MALRD1: variants seen among roughly 807,000 people sequenced by gnomAD.
MALRD1 encodes MAM and LDL-receptor class A domain-containing protein 1.
Under a neutral mutation model 242.1 loss-of-function variants are expected in MALRD1, and 247 were observed. The ratio of observed to expected loss-of-function variants is 1.02; its 90% CI spans 0.92 to 1.13. The LOEUF (loss-of-function observed/expected upper bound fraction) is 1.13. Ranked by LOEUF, MALRD1 falls within the 50% of genes most tolerant of loss-of-function variation. The probability of loss-of-function intolerance (pLI) is 0.00; values close to 1 mark genes in which losing one functional copy is unlikely to be tolerated. For synonymous variants in MALRD1, 995 were observed against 866.6 expected (o/e 1.15, Z -2.60); for missense variants, 2,989 against 2,533.1 (o/e 1.18, Z -3.86).
intron 36 of MALRD1, among the ~76,000 whole-genome samples, chr10:19,684,737 G>A (rs1274164299): frequency 6.6e-6 from 1 of 152,180 alleles, no homozygotes; most frequent in Non-Finnish European, 1.5e-5. Flanking sequence ...GGGTGACAGA[G>A]CAAGACTCTA....
chr10:19,211,877 G>C lies in MALRD1; in HGVS notation c.2991+2197G>C, dbSNP rs117823192. On this transcript the variant is annotated intron_variant, in intron 18 of 39. Transcript: ENST00000454679. ...TAGATGGAATTACCAGCAGATAGGAGGTACTCATTCTGTGTTTGCATAAAG... is the reference window on the plus strand; with the variant it reads ...TAGATGGAATTACCAGCAGATAGGACGTACTCATTCTGTGTTTGCATAAAG... Among the ~76,000 whole-genome samples the C allele has an allele frequency of 9.2e-5, 14 of 152,066 alleles. No homozygotes were observed. In the East Asian group the frequency reaches 2.7e-3, roughly 29 times the overall value.
chr10:19,050,389 CT>C (rs71387039), intron 1 of MALRD1, among the ~76,000 whole-genome samples: 14 of 148,916 alleles, frequency 9.4e-5, no homozygotes, highest in South Asian at 4.2e-4. Flanking sequence ...GCCCGGCCTT[CT>C]TTTTTTTTTA....
At chr10:19,544,290 C>G (rs1164679533) in intron 32 of MALRD1, among the ~76,000 whole-genome samples, 1 of 152,008 alleles carries the variant, frequency 6.6e-6, no homozygotes, top group Admixed American at 6.6e-5. Context: ...TGGGCTCAGG[C>G]GATTCTCCTG....
intron 6 of MALRD1, 100 bp downstream of exon 6, chr10:19,123,693 T>A: frequency 1.7e-6 from 1 of 581,184 alleles, no homozygotes; most frequent in Non-Finnish European, 2.5e-6. Flanking sequence ...TTGTTGACAT[T>A]AATGTCCTAG....
intron 36 of MALRD1, among the ~76,000 whole-genome samples, chr10:19,645,751 A>AT (rs1182266332): frequency 6.6e-6 from 1 of 152,078 alleles, no homozygotes; most frequent in African/African-American, 2.4e-5. Flanking sequence ...GGGGGGAGGG[A>AT]TAGCATTTGG....
At position 19,695,186 on chromosome 10, in the gene MALRD1, G is replaced by A. The variant is rs1013987681; in HGVS notation, c.6314+2632G>A. Among the ~76,000 whole-genome samples, 27 of 152,072 alleles carry A rather than the reference G, an allele frequency of 1.8e-4. 1 individual carries two copies. Among genetic ancestry groups the A allele is most frequent in the Middle Eastern group, 3.4e-3 (1 of 294 alleles). The stretch of plus-strand genomic sequence containing the variant: ...TGTATACATATGTAAAAAACTGCAC[G>A]TCATGCACATGTACCCTAGAACTTA... On this transcript the variant is annotated intron_variant, in intron 38 of 39. Coordinates refer to ENST00000454679, the MANE Select transcript of MALRD1 (RefSeq NM_001142308.3).
chr10:19,607,907 C>G lies in MALRD1; in HGVS notation c.6070+5C>G. 6.5e-7 allele frequency: 1 copy of G among 1,548,964 alleles called. No individual in the cohort carries two copies. Among genetic ancestry groups the G allele is most frequent in the Non-Finnish European group, 8.7e-7 (1 of 1,146,166 alleles). On this transcript the variant is annotated splice_donor_5th_base_variant and intron_variant, in intron 35 of 39. Coordinates refer to ENST00000454679, the MANE Select transcript of MALRD1 (RefSeq NM_001142308.3). ...TTGATGAGTCCAGCTGCTCCGGTAC[C>G]CCATTTCCATTCAGATATTCTTGTG...
chr10:19,626,359 C>T (rs531632792), intron 36 of MALRD1, among the ~76,000 whole-genome samples: 35 of 144,568 alleles, frequency 2.4e-4, no homozygotes, highest in Admixed American at 4.9e-4. Context: ...TATTTGCTCA[C>T]GGGGTTTTAG....
intron 33 of MALRD1, among the ~76,000 whole-genome samples, chr10:19,589,928 A>G (rs1013039636): frequency 2.0e-5 from 3 of 152,144 alleles, no homozygotes; most frequent in Non-Finnish European, 2.9e-5. Context: ...GTCTCGCATA[A>G]TGAACAACAA....
chr10:19,104,107 C>T (rs1280875375), intron 5 of MALRD1, 32 bp downstream of exon 5: 22 of 1,133,004 alleles, frequency 1.9e-5, no homozygotes, highest in Non-Finnish European at 2.5e-5. Flanking sequence ...TTGATCTTTA[C>T]TGTGTTTAAA....
intron 1 of MALRD1, among the ~76,000 whole-genome samples, chr10:19,065,023 C>G (rs1311610295): frequency 6.6e-6 from 1 of 151,966 alleles, no homozygotes; most frequent in Non-Finnish European, 1.5e-5. Context: ...TGCGGTTGCT[C>G]ATGCCTGTAA....
At chr10:19,179,065 T>G (rs559418357) in intron 14 of MALRD1, among the ~76,000 whole-genome samples, 1 of 152,140 alleles carries the variant, frequency 6.6e-6, no homozygotes, top group Non-Finnish European at 1.5e-5. Flanking sequence ...GAATAATATT[T>G]GAAATATATG....
chr10:19,734,226 C>A lies in MALRD1; in HGVS notation c.6460C>A (p.His2154Asn). The A allele has an allele frequency of 6.5e-7, 1 of 1,535,566 alleles. No homozygotes were observed. Among genetic ancestry groups the A allele is most frequent in the Non-Finnish European group, 8.7e-7 (1 of 1,146,398 alleles). Residue 2154 changes from histidine to asparagine, a missense_variant, in exon 40 of 40, where the codon CAT (histidine) becomes AAT (asparagine). Coordinates refer to ENST00000454679, the MANE Select transcript of MALRD1 (RefSeq NM_001142308.3). ...AGGAAGCCTGGAGACCCTGTCACAT[C>A]ATCTCAAATAGCAGCATCGAGACCA... ...TSGSLETLSH[H>N]LK
chr10:19,268,638 C>T (rs537146527), intron 19 of MALRD1, among the ~76,000 whole-genome samples: 2 of 152,156 alleles, frequency 1.3e-5, no homozygotes, highest in South Asian at 4.2e-4. Flanking sequence ...TCATATTAGT[C>T]AAGAAATTCA....
In MALRD1 at chr10:19,569,248, C is replaced by T. The variant is rs1440019999; in HGVS notation, c.5680+1545C>T. On this transcript the variant is annotated intron_variant, in intron 33 of 39. Coordinates refer to ENST00000454679, the MANE Select transcript of MALRD1 (RefSeq NM_001142308.3). ...TGCTGGTTTATCACCTTAGCTAGGC[C>T]TTTTAGGGTCCCAGATGCATGAGTT... 2.6e-5 allele frequency among the ~76,000 whole-genome samples: 4 copies of T among 151,934 alleles called. No individual in the cohort carries two copies. The East Asian group carries it at 7.7e-4, about 29-fold the overall frequency.
intron 28 of MALRD1, among the ~76,000 whole-genome samples, chr10:19,413,792 G>A (rs1040634748): frequency 2.0e-5 from 3 of 151,660 alleles, no homozygotes; most frequent in African/African-American, 7.3e-5. Context: ...GACCAGCCTG[G>A]CCAATATGGT....
intron 4 of MALRD1, among the ~76,000 whole-genome samples, chr10:19,088,416 G>A (rs1026317992): frequency 2.6e-5 from 4 of 151,630 alleles, no homozygotes; most frequent in South Asian, 2.1e-4. Context: ...ACTAAAGTTG[G>A]TGTATTTTAA....
intron 31 of MALRD1, among the ~76,000 whole-genome samples, chr10:19,509,040 A>G (rs1458561870): frequency 1.3e-5 from 2 of 152,342 alleles, no homozygotes; most frequent in African/African-American, 2.4e-5. Context: ...AGAACAATGA[A>G]AAGCAAAGTG....
intron 11 of MALRD1, among the ~76,000 whole-genome samples, chr10:19,151,610 C>T (rs1343638201): frequency 6.6e-6 from 1 of 152,088 alleles, no homozygotes; most frequent in East Asian, 1.9e-4. Flanking sequence ...ATTTCTCTCT[C>T]AGAGGAAAAG....
Sources: gnomAD v4.1 joint callset for allele counts (sites outside exome capture counted in the v4.1 genomes callset) on GRCh38, gnomAD v4.1.1 for gene constraint, MANE v1.5 for transcripts, NCBI Gene and HGNC (gene_info 2026-07-23, HGNC 2026-07-21) for gene names.